MAGI1: variants seen among roughly 807,000 people sequenced by gnomAD.
MAGI1 encodes the protein membrane-associated guanylate kinase, WW and PDZ domain-containing protein 1.
A neutral mutation model predicts 139.9 loss-of-function variants in MAGI1; 58 were observed. The ratio of observed to expected loss-of-function variants is 0.41; its 90% CI spans 0.34 to 0.52. The LOEUF is 0.52. Among genes scored for constraint, MAGI1 ranks in the 20% least tolerant of loss-of-function variants. The pLI is 0.12. For missense variants in MAGI1, 1,874 were observed against 1,901.6 expected (o/e 0.99, Z 0.27); for synonymous variants, 812 against 737.9 (o/e 1.10, Z -1.63).
intron 1 of MAGI1, among the ~76,000 whole-genome samples, chr3:65,666,818 G>A (rs1452433810): frequency 6.6e-6 from 1 of 152,090 alleles, no homozygotes; most frequent in Admixed American, 6.5e-5. Context: ...GATCAATCAC[G>A]GAGACAGCTT....
chr3:65,727,208 C>A (rs1013595047), intron 1 of MAGI1, among the ~76,000 whole-genome samples: 33 of 152,148 alleles, frequency 2.2e-4, no homozygotes, highest in African/African-American at 7.2e-4. Context: ...GAATATGATA[C>A]TGTTGTAATT....
chr3:65,522,862 T>C (rs946597504), intron 2 of MAGI1, among the ~76,000 whole-genome samples: 15 of 152,140 alleles, frequency 9.9e-5, no homozygotes, highest in African/African-American at 3.6e-4. Context: ...AAAATATTTA[T>C]GCCACCAATT....
At chr3:65,441,988 G>C (rs1276532237) in intron 8 of MAGI1, among the ~76,000 whole-genome samples, 1 of 151,610 alleles carries the variant, frequency 6.6e-6, no homozygotes, top group Non-Finnish European at 1.5e-5. Context: ...GTACGATTAT[G>C]TTTCTACAAC....
At chr3:65,557,203 T>C (rs1021294728) in intron 2 of MAGI1, among the ~76,000 whole-genome samples, 2 of 152,232 alleles carry the variant, frequency 1.3e-5, no homozygotes, top group African/African-American at 4.8e-5. Context: ...GAAGTGACAG[T>C]ATGCCACCCC....
Position 65,379,265 on chromosome 3 carries a change from G to T in MAGI1, c.2991C>A (p.Thr997=), listed in dbSNP as rs144800395. The stretch of plus-strand genomic sequence containing the variant: ...AATTTCACGTTCAGCACTCACCAAA[G>T]GTCGTGCCTGCTTCGGGCCTGCTCA... ...SSVSRPEAGT[T]FGNACVAMPH... The change falls in exon 17 of 23, where the codon ACC becomes ACA. Residue 997 remains threonine (T), a synonymous_variant. Transcript: ENST00000402939. 8 of 1,611,856 alleles carry T rather than the reference G, an allele frequency of 5.0e-6. No homozygotes were observed. The African/African-American group carries it at 6.7e-5, about 13-fold the overall frequency.
intron 1 of MAGI1, among the ~76,000 whole-genome samples, chr3:65,668,497 C>T (rs1041545891): frequency 3.3e-5 from 5 of 151,366 alleles, no homozygotes; most frequent in Non-Finnish European, 4.4e-5. Flanking sequence ...TATTTCTCAA[C>T]GCAAGCTCCA....
At position 65,354,486 on chromosome 3, in the gene MAGI1, A is replaced by T. The variant is rs959838347; in HGVS notation, c.*1892T>A. 1 of 152,664 alleles carries T rather than the reference A, an allele frequency of 6.6e-6. No homozygotes were observed. Among genetic ancestry groups the T allele is most frequent in the Non-Finnish European group, 1.5e-5 (1 of 68,050 alleles). 9.5% of individuals were successfully genotyped at this position (152,664 alleles called of 1,614,324 possible). On this transcript the variant is annotated 3_prime_UTR_variant, in exon 23 of 23. Transcript: ENST00000402939. ...AAGATTGGCCCACATACTGCTTTTC[A>T]TCAATACAGAAAGAGCATTAAGTCC... is the stretch of plus-strand genomic sequence containing the variant.
intron 1 of MAGI1, among the ~76,000 whole-genome samples, chr3:65,660,827 T>C (rs891132003): frequency 3.3e-5 from 5 of 152,156 alleles, no homozygotes; most frequent in African/African-American, 1.2e-4. Flanking sequence ...TAATAAGCTA[T>C]TACAATACTT....
chr3:66,034,658 TA>T (rs1230243184), intron 1 of MAGI1, among the ~76,000 whole-genome samples: 1 of 152,000 alleles, frequency 6.6e-6, no homozygotes, highest in Non-Finnish European at 1.5e-5. Context: ...TTCGTAATAG[TA>T]AAAAATGGTA....
At chr3:65,712,549 G>A (rs894935792) in intron 1 of MAGI1, among the ~76,000 whole-genome samples, 1 of 151,268 alleles carries the variant, frequency 6.6e-6, no homozygotes, top group Non-Finnish European at 1.5e-5. Context: ...GTTTCACTCC[G>A]TCACTCAGGT....
At chr3:65,791,925 C>T (rs2039800413) in intron 1 of MAGI1, among the ~76,000 whole-genome samples, 1 of 152,104 alleles carries the variant, frequency 6.6e-6, no homozygotes, top group Non-Finnish European at 1.5e-5. Flanking sequence ...TAGCCCCATC[C>T]AAATCCTTTT....
chr3:65,621,580 G>C (rs1006856927), intron 2 of MAGI1, among the ~76,000 whole-genome samples: 1 of 152,178 alleles, frequency 6.6e-6, no homozygotes, highest in Non-Finnish European at 1.5e-5. Context: ...AAGGCCGCTG[G>C]CCAGGTCTAC....
chr3:65,396,772 CCAA>C (rs1944423433), intron 13 of MAGI1, among the ~76,000 whole-genome samples: 1 of 152,198 alleles, frequency 6.6e-6, no homozygotes. Flanking sequence ...AGGTATTAGG[CCAA>C]CGTCATTAAA....
chr3:65,635,411 T>C (rs1181025608), intron 1 of MAGI1, among the ~76,000 whole-genome samples: 1 of 152,192 alleles, frequency 6.6e-6, no homozygotes, highest in Non-Finnish European at 1.5e-5. Context: ...CTGTAAAACA[T>C]CTATGTGAAT....
chr3:65,360,289 A>G (rs952806540), intron 22 of MAGI1: 8 of 985,044 alleles, frequency 8.1e-6, no homozygotes, highest in Non-Finnish European at 9.6e-6. Context: ...CACAGTTTCT[A>G]TAGAAACTTT....
In MAGI1 at chr3:65,437,174, G is replaced by C; in HGVS notation, c.1344C>G (p.Ala448=). 2 of 1,608,326 alleles carry C rather than the reference G, an allele frequency of 1.2e-6. No individual in the cohort carries two copies. Among genetic ancestry groups the C allele is most frequent in the Middle Eastern group, 3.3e-4 (2 of 6,044 alleles). ...CTTTACCCTGAAGTGGAACTTCTCT[G>C]GCTGGCTCTGGATTGCTTGGAGGGT... is the stretch of plus-strand genomic sequence containing the variant. ...PNHPPSNPEP[A]REVPLQGKPF... Residue 448 remains alanine (A), a synonymous_variant, in exon 10 of 23, where the codon GCC becomes GCG. Transcript: ENST00000402939.
chr3:65,991,429 C>G lies in MAGI1; in HGVS notation c.313+46567G>C, dbSNP rs550996581. Among the ~76,000 whole-genome samples the G allele has an allele frequency of 3.3e-5, 5 of 151,932 alleles. No individual in the cohort carries two copies. The South Asian group carries it at 1.0e-3, about 32-fold the overall frequency. ...GCCTCCAATACCATTTCTGAGTGTC[C>G]TTCCTCAATGGTACTATGAAAGTGT... is the stretch of plus-strand genomic sequence containing the variant. On this transcript the variant is annotated intron_variant, in intron 1 of 22. Transcript: ENST00000402939.
chr3:65,929,470 A>G (rs2062687501), intron 1 of MAGI1, among the ~76,000 whole-genome samples: 1 of 151,922 alleles, frequency 6.6e-6, no homozygotes, highest in East Asian at 1.9e-4. Flanking sequence ...CCTCCCAAGT[A>G]GCTGGGACCC....
At chr3:65,994,627 T>C (rs1175563649) in intron 1 of MAGI1, among the ~76,000 whole-genome samples, 1 of 152,190 alleles carries the variant, frequency 6.6e-6, no homozygotes, top group Non-Finnish European at 1.5e-5. Flanking sequence ...GGGAATGCAG[T>C]ATCTTCTGTC....
Sources: allele counts gnomAD v4.1 joint callset (sites outside exome capture counted in the v4.1 genomes callset), GRCh38; gene constraint gnomAD v4.1.1; transcripts MANE v1.5; gene names NCBI Gene and HGNC (gene_info 2026-07-23, HGNC 2026-07-21).